IMMP2L: variants seen among roughly 807,000 people sequenced by gnomAD.
IMMP2L encodes the protein inner mitochondrial membrane peptidase subunit 2, also known as mitochondrial inner membrane protease subunit 2.
In IMMP2L, 18 loss-of-function variants were observed where a neutral mutation model predicts 19.3. The observed-to-expected ratio is 0.93, with a 90% CI of 0.64 to 1.38. The LOEUF (loss-of-function observed/expected upper bound fraction) is 1.38, where lower values mean the gene tolerates loss of function less well. Among genes scored for constraint, IMMP2L ranks in the 40% most tolerant of loss-of-function variants. The pLI is 0.00. For synonymous variants in IMMP2L, 76 were observed against 73.0 expected (o/e 1.04, Z -0.21); for missense variants, 233 against 218.2 (o/e 1.07, Z -0.43).
chr7:110,983,664 T>C (rs1821541546), intron 3 of IMMP2L, among the ~76,000 whole-genome samples: 1 of 151,966 alleles, frequency 6.6e-6, no homozygotes, highest in Non-Finnish European at 1.5e-5. Context: ...AAATTCAAAG[T>C]ATTTAACAAG....
intron 5 of IMMP2L, among the ~76,000 whole-genome samples, chr7:110,717,820 A>C (rs1250665490): frequency 1.3e-5 from 2 of 152,220 alleles, no homozygotes; most frequent in Non-Finnish European, 1.5e-5. Flanking sequence ...GAAGCAGTGG[A>C]GATGTTGAAA....
chr7:111,018,164 T>A (rs1216769925), intron 3 of IMMP2L, among the ~76,000 whole-genome samples: 4 of 152,200 alleles, frequency 2.6e-5, no homozygotes, highest in East Asian at 1.9e-4. Context: ...AGGAATGTAA[T>A]AATTTCCTAT....
At chr7:111,198,298 T>C (rs1809719737) in intron 3 of IMMP2L, among the ~76,000 whole-genome samples, 1 of 152,198 alleles carries the variant, frequency 6.6e-6, no homozygotes. Flanking sequence ...AATCATATAA[T>C]ACTGTGAGTA....
intron 3 of IMMP2L, among the ~76,000 whole-genome samples, chr7:111,082,268 C>T (rs1030216352): frequency 1.3e-5 from 2 of 152,142 alleles, no homozygotes; most frequent in Non-Finnish European, 2.9e-5. Context: ...GAGACCCTAA[C>T]AAGAGCAGGA....
chr7:110,918,046 C>T (rs1020412505), intron 4 of IMMP2L, among the ~76,000 whole-genome samples: 2 of 152,182 alleles, frequency 1.3e-5, no homozygotes, highest in Admixed American at 6.5e-5. Context: ...TTACCACCAA[C>T]AACAGGCCAG....
intron 4 of IMMP2L, among the ~76,000 whole-genome samples, chr7:110,939,642 G>C (rs1279338601): frequency 1.3e-5 from 2 of 152,098 alleles, no homozygotes; most frequent in Admixed American, 1.3e-4. Context: ...GTTTATGGAA[G>C]ATAACAAATA....
chr7:111,283,795 C>A (rs1319478554), intron 3 of IMMP2L, among the ~76,000 whole-genome samples: 1 of 151,190 alleles, frequency 6.6e-6, no homozygotes, highest in Non-Finnish European at 1.5e-5. Context: ...AACGGTGAAA[C>A]CCCGTCTCTA....
At chr7:111,288,697 G>A (rs981944469) in intron 3 of IMMP2L, among the ~76,000 whole-genome samples, 1 of 152,114 alleles carries the variant, frequency 6.6e-6, no homozygotes, top group Admixed American at 6.5e-5. Flanking sequence ...TTAGAGAAAT[G>A]AAAATGAAAA....
At chr7:110,679,161 C>A (rs188414217) in intron 5 of IMMP2L, among the ~76,000 whole-genome samples, 1 of 152,026 alleles carries the variant, frequency 6.6e-6, no homozygotes, top group African/African-American at 2.4e-5. Context: ...AAAATAGATA[C>A]AAAACAGGCC....
At chr7:111,263,021 G>A (rs1329053747) in intron 3 of IMMP2L, among the ~76,000 whole-genome samples, 1 of 151,962 alleles carries the variant, frequency 6.6e-6, no homozygotes, top group Non-Finnish European at 1.5e-5. Context: ...AATGGGAGGA[G>A]AATCATAAAA....
chr7:111,124,214 T>C, intron 3 of IMMP2L: 1 of 1,613,950 alleles, frequency 6.2e-7, no homozygotes, highest in Non-Finnish European at 8.5e-7. Context: ...GAGGGAACAC[T>C]AGATATAAAT....
rs946197863 is a variant in IMMP2L at position 110,924,894 on chromosome 7, A to G, written c.306-38199T>C. On this transcript the variant is annotated intron_variant, in intron 4 of 5. Coordinates refer to ENST00000405709, the MANE Select transcript of IMMP2L (RefSeq NM_032549.4). The surrounding 1 kb of genome is among the most constrained non-coding windows in gnomAD (Gnocchi z 4.2). The stretch of plus-strand genomic sequence containing the variant: ...GAGCCTTATATTTCAAGAAAATGGT[A>G]TATTCAAAAAAGGTTATTTTCTGTT... Among the ~76,000 whole-genome samples, 13 of 152,190 alleles carry G rather than the reference A, an allele frequency of 8.5e-5. No individual in the cohort carries two copies. Among genetic ancestry groups the G allele is most frequent in the Admixed American group, 2.6e-4 (4 of 15,266 alleles).
chr7:111,165,592 T>A (rs975894105), intron 3 of IMMP2L, among the ~76,000 whole-genome samples: 1 of 152,122 alleles, frequency 6.6e-6, no homozygotes. Flanking sequence ...TTTTATCTAC[T>A]TATTTTATTT....
At chr7:111,299,188 C>A (rs1821949207) in intron 3 of IMMP2L, among the ~76,000 whole-genome samples, 1 of 152,106 alleles carries the variant, frequency 6.6e-6, no homozygotes, top group African/African-American at 2.4e-5. Context: ...CACACACAGA[C>A]AAATGCCAAA....
chr7:111,448,247 G>A (rs1304734072), intron 3 of IMMP2L, among the ~76,000 whole-genome samples: 1 of 118,954 alleles, frequency 8.4e-6, no homozygotes, highest in East Asian at 2.4e-4. Flanking sequence ...CAAATCAACA[G>A]AATATACATT....
In IMMP2L at chr7:111,448,937, G is replaced by A. The variant is rs201450725; in HGVS notation, c.239+38301C>T. ...CAGAGAATACTACAGACACCTCTAC[G>A]CAAATAAACTAGAAAATCTAGAAGA... On this transcript the variant is annotated intron_variant, in intron 3 of 5. Transcript: ENST00000405709. Among the ~76,000 whole-genome samples, 36 of 146,960 alleles carry A rather than the reference G, an allele frequency of 2.4e-4. No individual in the cohort carries two copies. In the East Asian group the frequency reaches 4.7e-3, roughly 19 times the overall value.
intron 3 of IMMP2L, among the ~76,000 whole-genome samples, chr7:111,016,727 TAA>T (rs1438500211): frequency 2.1e-4 from 21 of 97,758 alleles, no homozygotes; most frequent in Non-Finnish European, 7.1e-5. Context: ...TATTTATATA[TAA>T]AATATATATA....
intron 3 of IMMP2L, among the ~76,000 whole-genome samples, chr7:111,021,680 C>T (rs919571441): frequency 6.6e-6 from 1 of 152,162 alleles, no homozygotes; most frequent in African/African-American, 2.4e-5. Flanking sequence ...GTCAGGAGTT[C>T]GAGGCCAGCC....
intron 3 of IMMP2L, among the ~76,000 whole-genome samples, chr7:110,989,884 T>TA (rs1822275713): frequency 6.6e-6 from 1 of 152,002 alleles, no homozygotes; most frequent in South Asian, 2.1e-4. Context: ...ATATATTTTT[T>TA]ATTTAATAAT....
Sources: gnomAD v4.1 joint callset for allele counts (sites outside exome capture counted in the v4.1 genomes callset) on GRCh38, gnomAD v4.1.1 for gene constraint, Gnocchi (gnomAD v3.1) non-coding constraint, MANE v1.5 for transcripts, NCBI Gene and HGNC (gene_info 2026-07-23, HGNC 2026-07-21) for gene names.